Variants in PHF14 observed in about 807,000 individuals in gnomAD.
PHF14 encodes the protein PHD finger protein 14.
In PHF14, 55 loss-of-function variants were observed where a neutral mutation model predicts 117.9. The observed-to-expected ratio is 0.47, with a 90% CI of 0.38 to 0.58. The LOEUF (loss-of-function observed/expected upper bound fraction) is 0.58, where lower values mean the gene tolerates loss of function less well. Among genes scored for constraint, PHF14 ranks in the 20% least tolerant of loss-of-function variants. PHF14 has a pLI of 0.00. For missense variants in PHF14, 978 were observed against 1,122.2 expected (o/e 0.87, Z 1.84); for synonymous variants, 409 against 368.6 (o/e 1.11, Z -1.26).
intron 17 of PHF14, among the ~76,000 whole-genome samples, chr7:11,119,981 C>T (rs931717011): frequency 4.6e-5 from 7 of 151,836 alleles, no homozygotes; most frequent in African/African-American, 1.7e-4. Context: ...TTAATATATT[C>T]ATTTTTGACA....
chr7:10,978,879 C>T (rs1781959597), intron 2 of PHF14, among the ~76,000 whole-genome samples: 1 of 152,116 alleles, frequency 6.6e-6, no homozygotes, highest in Non-Finnish European at 1.5e-5. Flanking sequence ...GAACTAGAAT[C>T]GGAAGTGGAG....
intron 17 of PHF14, among the ~76,000 whole-genome samples, chr7:11,158,878 C>G (rs1788936558): frequency 6.6e-6 from 1 of 152,024 alleles, no homozygotes; most frequent in African/African-American, 2.4e-5. Context: ...GGGTATTGTA[C>G]ACTGAAGACA....
chr7:11,019,770 T>G (rs990110242), intron 5 of PHF14, among the ~76,000 whole-genome samples: 6 of 152,168 alleles, frequency 3.9e-5, no homozygotes, highest in Non-Finnish European at 8.8e-5. Flanking sequence ...ATCTACTAAT[T>G]TTGGGTTTGG....
At chr7:11,052,102 C>T (rs1234739337) in intron 14 of PHF14, among the ~76,000 whole-genome samples, 1 of 152,164 alleles carries the variant, frequency 6.6e-6, no homozygotes, top group Non-Finnish European at 1.5e-5. Flanking sequence ...AGCCCAGAGG[C>T]CACCTCTTTA....
intron 6 of PHF14, among the ~76,000 whole-genome samples, chr7:11,024,316 A>G (rs1783837752): frequency 6.6e-6 from 1 of 152,218 alleles, no homozygotes; most frequent in South Asian, 2.1e-4. Context: ...AAAGATGAAG[A>G]AGATGCAGCA....
chr7:11,035,919 TTAAGGTAAATAGTGAGTA>T, intron 8 of PHF14, 133 bp downstream of exon 8: 1 of 694,538 alleles, frequency 1.4e-6, no homozygotes, highest in Non-Finnish European at 2.4e-6. Flanking sequence ...TGGATTGTGA[TTAAGGTAAATAGTGAGTA>T]TAATTTTTGG....
Position 11,063,251 on chromosome 7 carries a change from G to A in PHF14, c.2654+1166G>A, listed in dbSNP as rs931044307. 36 of 984,818 alleles carry A rather than the reference G, an allele frequency of 3.7e-5. No homozygotes were observed. In the South Asian group the frequency reaches 4.7e-4, roughly 13 times the overall value. The allele number at this position is 984,818 out of a possible 1,614,324, so 61.0% of individuals were successfully genotyped here. A position where few individuals can be genotyped will look rare whatever the true frequency, so the allele number is the denominator to read the frequency against. On this transcript the variant is annotated intron_variant, in intron 16 of 17. Transcript: ENST00000634607. ...GTAGTTCATGTAGAGTGTGTTGGGA[G>A]CTATCCTGAAGGTTAAGTTTATTAA...
intron 17 of PHF14, among the ~76,000 whole-genome samples, chr7:11,155,353 C>G (rs749654238): frequency 4.2e-4 from 64 of 152,118 alleles, no homozygotes; most frequent in Admixed American, 9.8e-4. Flanking sequence ...AGAAACAGAA[C>G]AAATATGAAG....
intron 17 of PHF14, among the ~76,000 whole-genome samples, chr7:11,113,483 C>CT (rs1183378316): frequency 1.3e-5 from 2 of 152,040 alleles, no homozygotes; most frequent in Admixed American, 6.6e-5. Context: ...ATATAAACAA[C>CT]TAACATTTTC....
At chr7:11,088,418 G>GCACGCACACA (rs10625363) in intron 16 of PHF14, among the ~76,000 whole-genome samples, 4 of 150,564 alleles carry the variant, frequency 2.7e-5, no homozygotes, top group Admixed American at 2.0e-4. Context: ...ACACACACAC[G>GCACGCACACA]CACACACACA....
chr7:11,021,138 T>C (rs1320731585), intron 5 of PHF14, among the ~76,000 whole-genome samples: 1 of 152,240 alleles, frequency 6.6e-6, no homozygotes, highest in Non-Finnish European at 1.5e-5. Context: ...TTTATTAAAA[T>C]ATATGAATTT....
chr7:11,128,591 T>C (rs1020890846), intron 17 of PHF14, among the ~76,000 whole-genome samples: 2 of 151,916 alleles, frequency 1.3e-5, no homozygotes, highest in African/African-American at 4.8e-5. Flanking sequence ...GCGCTTTCCA[T>C]TGTCTATACT....
chr7:11,142,684 G>A (rs1310310658), intron 17 of PHF14, among the ~76,000 whole-genome samples: 4 of 151,770 alleles, frequency 2.6e-5, no homozygotes, highest in African/African-American at 9.7e-5. Context: ...GGTTTCATAG[G>A]GGAAAAAATG....
chr7:11,108,200 G>A (rs1298604283), intron 16 of PHF14: 2 of 151,692 alleles, frequency 1.3e-5, no homozygotes, highest in East Asian at 3.8e-4. Flanking sequence ...AGCACATAGA[G>A]CTATGGATTT....
In PHF14 at chr7:11,107,437, A is replaced by G. The variant is rs951577805; in HGVS notation, c.2655-3913A>G. The G allele has an allele frequency of 8.0e-5, 66 of 827,068 alleles. No individual in the cohort carries two copies. The Middle Eastern group carries it at 2.5e-3, about 31-fold the overall frequency. The allele number at this position is 827,068 out of a possible 1,614,324, so 51.2% of individuals were successfully genotyped here. On this transcript the variant is annotated intron_variant, in intron 16 of 17. Transcript: ENST00000634607. The stretch of plus-strand genomic sequence containing the variant: ...TTATTTACATCTATATCTGTTATTA[A>G]TCTGATAGCTAGGAAGTTGTATTTA...
chr7:11,096,380 G>T (rs1260439590), intron 16 of PHF14, among the ~76,000 whole-genome samples: 2 of 152,070 alleles, frequency 1.3e-5, no homozygotes, highest in Non-Finnish European at 2.9e-5. Flanking sequence ...AGGGAATTTT[G>T]TAAAGAAGAT....
At chr7:11,114,602 C>A (rs930426307) in intron 17 of PHF14, among the ~76,000 whole-genome samples, 2 of 152,014 alleles carry the variant, frequency 1.3e-5, no homozygotes, top group African/African-American at 4.8e-5. Flanking sequence ...ATTTATTATA[C>A]CCATACCCAT....
chr7:11,061,033 T>C (rs1785206771), intron 14 of PHF14, among the ~76,000 whole-genome samples: 1 of 152,188 alleles, frequency 6.6e-6, no homozygotes, highest in African/African-American at 2.4e-5. Context: ...GCTGTCAAAG[T>C]AATTTTTGGA....
Position 11,061,817 on chromosome 7 carries a change from C to A in PHF14, c.2508C>A (p.Phe836Leu). The A allele has an allele frequency of 6.6e-7, 1 of 1,507,994 alleles. No individual in the cohort carries two copies. The highest frequency in any genetic ancestry group is 8.9e-7 in the Non-Finnish European group (1 of 1,128,482). 93.4% of individuals were successfully genotyped at this position (1,507,994 alleles called of 1,614,324 possible). A position where few individuals can be genotyped will look rare whatever the true frequency, so the allele number is the denominator to read the frequency against. The change falls in exon 15 of 18, where the codon TTC becomes TTA. Residue 836 changes from phenylalanine to leucine, a missense_variant. Coordinates refer to ENST00000634607, the MANE Select transcript of PHF14 (RefSeq NM_001007157.2). ...GAACCAGAGGACGAAAACGAAGCTTCGTTCCTGAGGAAGAAAAACATGAGG... is the reference window on the plus strand; with the variant it reads ...GAACCAGAGGACGAAAACGAAGCTTAGTTCCTGAGGAAGAAAAACATGAGG... ...NTRTRGRKRS[F>L]VPEEEKHEER...
Sources: gnomAD v4.1 joint callset for allele counts (sites outside exome capture counted in the v4.1 genomes callset) on GRCh38, gnomAD v4.1.1 for gene constraint, MANE v1.5 for transcripts, NCBI Gene and HGNC (gene_info 2026-07-23, HGNC 2026-07-21) for gene names.